The following CRLF1 variants were observed in gnomAD, a reference collection of about 807,000 sequenced individuals.
CRLF1 encodes cytokine receptor-like factor 1.
A neutral mutation model predicts 48.9 loss-of-function variants in CRLF1; 36 were observed. That is an observed-to-expected ratio of 0.74 (90% CI 0.56 to 0.97). The LOEUF (loss-of-function observed/expected upper bound fraction) is 0.97, where lower values mean the gene tolerates loss of function less well. CRLF1 is among the 50% of genes least tolerant of loss of function. The pLI is 0.00. For synonymous variants in CRLF1, 256 were observed against 253.4 expected, an observed-to-expected ratio of 1.01 and a Z score of -0.10; for missense variants, 534 against 575.1, an observed-to-expected ratio of 0.93 and a Z score of 0.73.
rs1226100117 is a variant in CRLF1 at position 18,606,122 on chromosome 19, TG to T, written c.115+419del. Among the ~76,000 whole-genome samples, 1 of 150,842 alleles carries T rather than the reference TG, an allele frequency of 6.6e-6. No individual in the cohort carries two copies. Among genetic ancestry groups the T allele is most frequent in the African/African-American group, 2.4e-5 (1 of 41,084 alleles). On this transcript the variant is annotated intron_variant, in intron 1 of 8. Coordinates refer to ENST00000392386, the MANE Select transcript of CRLF1 (RefSeq NM_004750.5). The surrounding 1 kb of genome is among the most constrained non-coding windows in gnomAD (Gnocchi z 4.8). ...TCCCCGTGGGGCTCATCCCTCCGCCTGGGGGGGCCCGCTGGGGGCCCGCACC... is the reference window on the plus strand; with the variant it reads ...TCCCCGTGGGGCTCATCCCTCCGCCTGGGGGGCCCGCTGGGGGCCCGCACC...
intron 2 of CRLF1, 152 bp downstream of exon 2, chr19:18,599,413 C>CA: frequency 8.6e-7 from 1 of 1,167,732 alleles, no homozygotes; most frequent in Non-Finnish European, 1.2e-6. Context: ...ACCGGGTCTC[C>CA]AGGTTCTCAT....
chr19:18,606,141 C>T lies in CRLF1; in HGVS notation c.115+401G>A, dbSNP rs928923540. Among the ~76,000 whole-genome samples, 9 of 151,562 alleles carry T rather than the reference C, an allele frequency of 5.9e-5. No homozygotes were observed. Among genetic ancestry groups the T allele is most frequent in the African/African-American group, 2.2e-4 (9 of 41,398 alleles). The stretch of plus-strand genomic sequence containing the variant: ...TCCGCCTGGGGGGGCCCGCTGGGGG[C>T]CCGCACCCAGCGCGCCAACCGCGTG... On this transcript the variant is annotated intron_variant, in intron 1 of 8. Transcript: ENST00000392386. The surrounding 1 kb of genome is among the most constrained non-coding windows in gnomAD (Gnocchi z 4.8).
intron 2 of CRLF1, chr19:18,599,200 G>A: frequency 1.3e-6 from 1 of 775,618 alleles, no homozygotes; most frequent in Non-Finnish European, 1.6e-6. Context: ...CCGCCTCCTG[G>A]GTTCAAGCAA....
intron 6 of CRLF1, among the ~76,000 whole-genome samples, chr19:18,595,205 C>T (rs910844751): frequency 7.2e-5 from 11 of 152,260 alleles, no homozygotes; most frequent in African/African-American, 2.7e-4. Context: ...CCCCGCCGCC[C>T]CTGCTGGCCT....
chr19:18,599,628 C>T lies in CRLF1; in HGVS notation c.334G>A (p.Asp112Asn). The T allele has an allele frequency of 6.2e-7, 1 of 1,613,436 alleles. No homozygotes were observed. Among genetic ancestry groups the T allele is most frequent in the Non-Finnish European group, 8.5e-7 (1 of 1,179,992 alleles). The change falls in exon 2 of 9, where the codon GAC (aspartate) becomes AAC (asparagine). Residue 112 changes from aspartate (D) to asparagine (N), a missense_variant. By Grantham distance (23) the Asp-to-Asn change is conservative (BLOSUM62 1). This residue lies in a region of CRLF1 where 528 missense variants were observed against 555.7 expected (regional missense o/e 0.95). Transcript: ENST00000392386. ...NLNGSRQRSG[D>N]NLVCHARDGS... ...TCACGGGCGTGGCACACGAGGTTGT[C>T]CCCCGACCGCTGCCTGGACCCATTG... is the stretch of plus-strand genomic sequence containing the variant.
chr19:18,594,682 C>A (rs1976107221), intron 6 of CRLF1, among the ~76,000 whole-genome samples: 1 of 151,724 alleles, frequency 6.6e-6, no homozygotes, highest in Non-Finnish European at 1.5e-5. Context: ...CCTCCAGGAA[C>A]CCGATTCCTG....
Position 18,606,237 on chromosome 19 carries a change from GCCACGTCCT to G in CRLF1, c.115+296_115+304del, listed in dbSNP as rs1244067438. On this transcript the variant is annotated intron_variant, in intron 1 of 8. Transcript: ENST00000392386. The surrounding 1 kb of genome is among the most constrained non-coding windows in gnomAD (Gnocchi z 4.8). ...TCCACCGAAGCAGACGCGTGCGCCCGCCACGTCCTGGCATGCAGAGGGTCTCAGGCCGCG... is the reference window on the plus strand; with the variant it reads ...TCCACCGAAGCAGACGCGTGCGCCCGGGCATGCAGAGGGTCTCAGGCCGCG... Among the ~76,000 whole-genome samples, 4 of 151,768 alleles carry G rather than the reference GCCACGTCCT, an allele frequency of 2.6e-5. No homozygotes were observed. Among genetic ancestry groups the G allele is most frequent in the Non-Finnish European group, 5.9e-5 (4 of 67,846 alleles).
chr19:18,596,548 G>GAAAAC, intron 6 of CRLF1, 74 bp downstream of exon 6: 1 of 1,540,224 alleles, frequency 6.5e-7, no homozygotes, highest in Non-Finnish European at 8.8e-7. Flanking sequence ...AAAAAGAAAA[G>GAAAAC]AAAACAAGGA....
In CRLF1 at chr19:18,604,089, C is replaced by T. The variant is rs577769385; in HGVS notation, c.115+2453G>A. ...GCCCAGACCCCAGGCCCCTCTCAGC[C>T]CTTCTAGAGTGGGTCTCACTCCTCC... On this transcript the variant is annotated intron_variant, in intron 1 of 8. Coordinates refer to ENST00000392386, the MANE Select transcript of CRLF1 (RefSeq NM_004750.5). Among the ~76,000 whole-genome samples, 6 of 152,322 alleles carry T rather than the reference C, an allele frequency of 3.9e-5. No homozygotes were observed. The South Asian group carries it at 8.3e-4, about 21-fold the overall frequency.
intron 8 of CRLF1, 127 bp from the exon 9 acceptor site, chr19:18,593,706 C>A: frequency 6.5e-7 from 1 of 1,533,706 alleles, no homozygotes; most frequent in South Asian, 1.2e-5. Flanking sequence ...TGGGCAGGGT[C>A]CTGCCCCTCT....
chr19:18,604,382 C>T (rs958230513), intron 1 of CRLF1, among the ~76,000 whole-genome samples: 1 of 152,226 alleles, frequency 6.6e-6, no homozygotes, highest in African/African-American at 2.4e-5. Flanking sequence ...TTTCTCCTCC[C>T]GGGATATGGG....
chr19:18,599,691 G>A lies in CRLF1; in HGVS notation c.271C>T (p.Leu91Phe), dbSNP rs1470556375. The change falls in exon 2 of 9, where the codon CTC (leucine) becomes TTC (phenylalanine). Residue 91 changes from leucine (L) to phenylalanine (F), a missense_variant. Physicochemically the swap from Leu to Phe is conservative, Grantham distance 22. Coordinates refer to ENST00000392386, the MANE Select transcript of CRLF1 (RefSeq NM_004750.5). ...GCCAGAGCCAAGGTGGAGGCGTTGA[G>A]TACACGGGAGAGCTCAGGGGGCAGG... ...RRLPPELSRV[L>F]NASTLALALA... 9 of 1,612,336 alleles carry A rather than the reference G, an allele frequency of 5.6e-6. No homozygotes were observed. Among genetic ancestry groups the A allele is most frequent in the African/African-American group, 1.3e-5 (1 of 74,932 alleles).
At chr19:18,600,511 C>T (rs746455023) in intron 1 of CRLF1, among the ~76,000 whole-genome samples, 7 of 152,264 alleles carry the variant, frequency 4.6e-5, no homozygotes, top group African/African-American at 1.2e-4. Context: ...TAGGACTACG[C>T]GCCCGCCACC....
At chr19:18,596,509 C>A in intron 6 of CRLF1, 113 bp downstream of exon 6, 1 of 1,311,636 alleles carries the variant, frequency 7.6e-7, no homozygotes, top group Non-Finnish European at 1.0e-6. Flanking sequence ...CACTATGCGA[C>A]AGAATGAGGC....
chr19:18,593,761 C>T (rs1392905234), intron 8 of CRLF1, 182 bp from the exon 9 acceptor site: 2 of 984,886 alleles, frequency 2.0e-6, no homozygotes, highest in South Asian at 4.7e-5. Flanking sequence ...AAGCACTTGG[C>T]GCGGAGCCAG....
At chr19:18,605,200 G>GCTCACAGTGGCA (rs1976274833) in intron 1 of CRLF1, among the ~76,000 whole-genome samples, 1 of 151,580 alleles carries the variant, frequency 6.6e-6, no homozygotes, top group Non-Finnish European at 1.5e-5. Context: ...AAAGCTTGGC[G>GCTCACAGTGGCA]CTCACAGTGG....
intron 1 of CRLF1, among the ~76,000 whole-genome samples, chr19:18,600,238 G>T (rs558506184): frequency 1.3e-5 from 2 of 151,800 alleles, no homozygotes; most frequent in Non-Finnish European, 2.9e-5. Flanking sequence ...TCGCTCTGTC[G>T]CCCAGGCTGG....
intron 3 of CRLF1, 28 bp downstream of exon 3, chr19:18,598,744 C>T: frequency 6.2e-7 from 1 of 1,614,082 alleles, no homozygotes; most frequent in Non-Finnish European, 8.5e-7. Flanking sequence ...GCCTGGGACA[C>T]ACACATCGCC....
chr19:18,601,206 G>C (rs981370490), intron 1 of CRLF1, among the ~76,000 whole-genome samples: 1 of 152,022 alleles, frequency 6.6e-6, no homozygotes, highest in Non-Finnish European at 1.5e-5. Flanking sequence ...ACACATAGTA[G>C]GTGTTTCTGT....
Sources: allele counts gnomAD v4.1 joint callset (sites outside exome capture counted in the v4.1 genomes callset), GRCh38; gene constraint gnomAD v4.1.1; regional missense constraint gnomAD v4.1.1; non-coding constraint Gnocchi (gnomAD v3.1); transcripts MANE v1.5; gene names NCBI Gene and HGNC (gene_info 2026-07-23, HGNC 2026-07-21).